IGFL2: variants seen among roughly 807,000 people sequenced by gnomAD.
IGFL2 encodes the protein IGF like family member 2.
Under a neutral mutation model 13.9 loss-of-function variants are expected in IGFL2, and 7 were observed. The observed-to-expected ratio is 0.51, with a 90% confidence interval of 0.29 to 0.95. The LOEUF (loss-of-function observed/expected upper bound fraction) is 0.95, where lower values mean the gene tolerates loss of function less well. Among genes scored for constraint, IGFL2 ranks in the 40% least tolerant of loss-of-function variants. IGFL2 has a pLI of 0.08. For synonymous variants in IGFL2, 55 were observed against 55.8 expected (o/e 0.99, Z 0.07); for missense variants, 138 against 147.8 (o/e 0.93, Z 0.34).
downstream of IGFL2, among the ~76,000 whole-genome samples, chr19:46,165,433 A>G (rs1200872870): frequency 6.6e-6 from 1 of 152,226 alleles, no homozygotes; most frequent in East Asian, 1.9e-4. Context: ...TGGCTGAAGG[A>G]CACCTTCCAG....
the IGFL2 span, chr19:46,124,771 T>G: frequency 1.2e-6 from 1 of 821,098 alleles, no homozygotes; most frequent in Non-Finnish European, 2.1e-6. Flanking sequence ...CTGCTGATCA[T>G]GCCACCTGCA....
chr19:46,113,521 C>A, the IGFL2 span: 4 of 344,008 alleles, frequency 1.2e-5, no homozygotes, highest in African/African-American at 2.2e-5. Context: ...TTATCTTTAA[C>A]CTCAGTTGTC....
intron 1 of IGFL2, among the ~76,000 whole-genome samples, chr19:46,158,350 A>C (rs13345147): frequency 6.6e-6 from 1 of 152,016 alleles, no homozygotes; most frequent in Admixed American, 6.6e-5. Flanking sequence ...CTGGGATTAC[A>C]GGTGCGCACT....
At chr19:46,131,542 C>A in the IGFL2 span, among the ~76,000 whole-genome samples, 1 of 152,134 alleles carries the variant, frequency 6.6e-6, no homozygotes, top group African/African-American at 2.4e-5. Context: ...AGAGGTTTAT[C>A]GACTTCTTTT....
At chr19:46,173,139 G>A in the IGFL2 span, among the ~76,000 whole-genome samples, 2 of 152,296 alleles carry the variant, frequency 1.3e-5, no homozygotes, top group Admixed American at 6.5e-5. Flanking sequence ...GCTTTTATTT[G>A]GAAGTTGAAA....
the IGFL2 span, among the ~76,000 whole-genome samples, chr19:46,101,656 A>G: frequency 1.3e-5 from 2 of 152,206 alleles, no homozygotes; most frequent in Non-Finnish European, 2.9e-5. Flanking sequence ...AGGCAGCCGC[A>G]GTGATGGGAG....
the IGFL2 span, among the ~76,000 whole-genome samples, chr19:46,171,342 G>A: frequency 6.6e-6 from 1 of 152,166 alleles, no homozygotes; most frequent in African/African-American, 2.4e-5. Flanking sequence ...CCAGAGGGAG[G>A]TGCTATTCAA....
At chr19:46,151,007 T>C (rs1314213071) in intron 1 of IGFL2, among the ~76,000 whole-genome samples, 1 of 152,224 alleles carries the variant, frequency 6.6e-6, no homozygotes, top group African/African-American at 2.4e-5. Context: ...TGCCCTGCAG[T>C]GGATCTCTAA....
At chr19:46,078,926 G>A in the IGFL2 span, among the ~76,000 whole-genome samples, 4 of 1,488 alleles carry the variant, frequency 2.7e-3, no homozygotes, top group African/African-American at 0.015. Context: ...AGTAGACATC[G>A]CGCAGGCGTC....
At chr19:46,170,977 G>A in the IGFL2 span, among the ~76,000 whole-genome samples, 1 of 152,034 alleles carries the variant, frequency 6.6e-6, no homozygotes, top group African/African-American at 2.4e-5. Flanking sequence ...CGCCCTTGAA[G>A]CATGTGATCT....
chr19:46,186,356 C>T, the IGFL2 span, among the ~76,000 whole-genome samples: 16 of 152,128 alleles, frequency 1.1e-4, no homozygotes, highest in African/African-American at 3.1e-4. Context: ...TCTGGCGCTC[C>T]GGAGAATTTT....
chr19:46,135,899 G>C, the IGFL2 span, among the ~76,000 whole-genome samples: 1 of 152,194 alleles, frequency 6.6e-6, no homozygotes, highest in South Asian at 2.1e-4. Flanking sequence ...TTTTCTTTAA[G>C]GATTCTGAAT....
At chr19:46,112,919 G>A in the IGFL2 span, 2 of 152,134 alleles carry the variant, frequency 1.3e-5, no homozygotes, top group Admixed American at 6.6e-5. Context: ...TTAGGAAAGA[G>A]GTCAATTCCT....
At chr19:46,122,266 A>G in the IGFL2 span, among the ~76,000 whole-genome samples, 1 of 151,066 alleles carries the variant, frequency 6.6e-6, no homozygotes, top group South Asian at 2.1e-4. Context: ...AAACATCTTT[A>G]GCCAGGGTAA....
the IGFL2 span, among the ~76,000 whole-genome samples, chr19:46,211,249 A>G: frequency 4.6e-5 from 7 of 152,358 alleles, no homozygotes; most frequent in East Asian, 9.6e-4. Flanking sequence ...AGCAGGGATT[A>G]GGCTTTGGTC....
chr19:46,151,391 G>A (rs543452527), intron 1 of IGFL2, among the ~76,000 whole-genome samples: 1 of 152,192 alleles, frequency 6.6e-6, no homozygotes, highest in South Asian at 2.1e-4. Context: ...CACTTTTGTT[G>A]AAATTTGATT....
chr19:46,121,446 T>C, the IGFL2 span, among the ~76,000 whole-genome samples: 2 of 146,750 alleles, frequency 1.4e-5, no homozygotes, highest in Non-Finnish European at 3.0e-5. Context: ...TTTCCTCCCA[T>C]CCTACTTACT....
the IGFL2 span, among the ~76,000 whole-genome samples, chr19:46,094,677 C>A: frequency 3.9e-5 from 6 of 152,154 alleles, no homozygotes; most frequent in South Asian, 1.2e-3. Flanking sequence ...GATGCTTTCC[C>A]CTCCCCTGCC....
the IGFL2 span, chr19:46,137,094 A>G: frequency 4.4e-6 from 7 of 1,605,246 alleles, no homozygotes; most frequent in Non-Finnish European, 5.1e-6. Context: ...TTAGGAGACA[A>G]TGGCCTCCCT....
Sources: gnomAD v4.1 joint callset for allele counts (sites outside exome capture counted in the v4.1 genomes callset) on GRCh38, gnomAD v4.1.1 for gene constraint, MANE v1.5 for transcripts, NCBI Gene and HGNC (gene_info 2026-07-23, HGNC 2026-07-21) for gene names.